Variants in CSMD3 observed in about 807,000 individuals in gnomAD.
CSMD3 encodes CUB and sushi domain-containing protein 3.
In CSMD3, 177 loss-of-function variants were observed where a neutral mutation model predicts 435.2. The observed-to-expected ratio is 0.41, with a 90% CI of 0.36 to 0.46. The LOEUF is 0.46. CSMD3 is among the 20% of genes least tolerant of loss of function. The pLI, the probability that CSMD3 is intolerant of heterozygous loss-of-function variation, is 0.34. For synonymous variants in CSMD3, 1,656 were observed against 1,520.5 expected, an observed-to-expected ratio of 1.09 and a Z score of -2.07; for missense variants, 4,265 against 4,504.6, an observed-to-expected ratio of 0.95 and a Z score of 1.52.
At chr8:113,326,411 G>A (rs1029032508) in intron 1 of CSMD3, among the ~76,000 whole-genome samples, 5 of 149,152 alleles carry the variant, frequency 3.4e-5, no homozygotes, top group Non-Finnish European at 7.4e-5. Flanking sequence ...TAATAACATA[G>A]TTTTTTTTTT....
At chr8:112,582,054 C>G (rs1037922496) in intron 23 of CSMD3, among the ~76,000 whole-genome samples, 1 of 152,028 alleles carries the variant, frequency 6.6e-6, no homozygotes, top group Admixed American at 6.6e-5. Flanking sequence ...GAATGTGATT[C>G]CACTGTTGGA....
chr8:113,025,355 T>C (rs2086838175), intron 5 of CSMD3, among the ~76,000 whole-genome samples: 1 of 152,180 alleles, frequency 6.6e-6, no homozygotes, highest in Non-Finnish European at 1.5e-5. Flanking sequence ...GTGGTTTATG[T>C]GCAGTTTCTT....
chr8:113,121,604 T>A (rs1441152301), intron 4 of CSMD3, among the ~76,000 whole-genome samples: 13 of 152,098 alleles, frequency 8.5e-5, no homozygotes. Context: ...GGCTGAAAAT[T>A]TCCAAACTGA....
At chr8:113,144,938 A>C (rs1295396928) in intron 4 of CSMD3, among the ~76,000 whole-genome samples, 1 of 151,622 alleles carries the variant, frequency 6.6e-6, no homozygotes, top group African/African-American at 2.4e-5. Flanking sequence ...TGGGAAATGA[A>C]AGTGATGATA....
chr8:113,048,926 A>G (rs2065740515), intron 5 of CSMD3, among the ~76,000 whole-genome samples: 1 of 152,174 alleles, frequency 6.6e-6, no homozygotes, highest in Admixed American at 6.5e-5. Context: ...GTGAGTATAC[A>G]GCATTTTGTG....
At chr8:113,403,546 T>A (rs1674750868) in intron 1 of CSMD3, among the ~76,000 whole-genome samples, 1 of 151,380 alleles carries the variant, frequency 6.6e-6, no homozygotes, top group Non-Finnish European at 1.5e-5. Flanking sequence ...TCTTCCCTTT[T>A]TAGAGTACAT....
At chr8:112,225,933 A>C (rs1812511689) in intron 70 of CSMD3, among the ~76,000 whole-genome samples, 1 of 152,142 alleles carries the variant, frequency 6.6e-6, no homozygotes, top group African/African-American at 2.4e-5. Context: ...TAACTTGCTC[A>C]CATTTGTAAT....
intron 7 of CSMD3, among the ~76,000 whole-genome samples, chr8:112,975,133 G>A (rs572888865): frequency 6.6e-6 from 1 of 151,236 alleles, no homozygotes; most frequent in East Asian, 2.0e-4. Context: ...TAAAAGGTAG[G>A]CTTATATTAA....
intron 18 of CSMD3, among the ~76,000 whole-genome samples, chr8:112,654,931 G>C (rs958791508): frequency 1.3e-5 from 2 of 152,138 alleles, no homozygotes; most frequent in Admixed American, 1.3e-4. Context: ...CTCAGGTTTA[G>C]TAAATACATG....
chr8:113,414,132 T>C (rs1231688366), intron 1 of CSMD3, among the ~76,000 whole-genome samples: 1 of 152,206 alleles, frequency 6.6e-6, no homozygotes, highest in Non-Finnish European at 1.5e-5. Context: ...GGATAAGATC[T>C]AGCTGTGCTT....
chr8:112,820,210 T>TA (rs1448794333), intron 12 of CSMD3, among the ~76,000 whole-genome samples: 1 of 152,022 alleles, frequency 6.6e-6, no homozygotes, highest in Non-Finnish European at 1.5e-5. Context: ...AAACCAATAA[T>TA]AAAAAATATA....
intron 13 of CSMD3, among the ~76,000 whole-genome samples, chr8:112,753,036 C>T (rs1305226855): frequency 6.6e-6 from 1 of 151,968 alleles, no homozygotes; most frequent in Non-Finnish European, 1.5e-5. Flanking sequence ...AATGATCCTC[C>T]TGCCTCAGCC....
At chr8:112,868,500 G>T (rs908277106) in intron 10 of CSMD3, among the ~76,000 whole-genome samples, 1 of 152,114 alleles carries the variant, frequency 6.6e-6, no homozygotes, top group African/African-American at 2.4e-5. Flanking sequence ...AAACACATGA[G>T]TAACATGTTG....
chr8:112,509,783 C>A (rs1040575640), intron 28 of CSMD3, among the ~76,000 whole-genome samples: 9 of 152,046 alleles, frequency 5.9e-5, no homozygotes, highest in African/African-American at 2.2e-4. Flanking sequence ...TCCTTGTTGA[C>A]CATATGTAAA....
intron 15 of CSMD3, among the ~76,000 whole-genome samples, chr8:112,684,051 T>C (rs1165716404): frequency 1.3e-5 from 2 of 151,788 alleles, no homozygotes; most frequent in African/African-American, 4.8e-5. Flanking sequence ...TTGCACATTA[T>C]CAATTAAATT....
chr8:112,605,233 G>T (rs886597921), intron 22 of CSMD3, among the ~76,000 whole-genome samples: 3 of 152,108 alleles, frequency 2.0e-5, no homozygotes, highest in African/African-American at 7.2e-5. Flanking sequence ...ATTTCTCAAA[G>T]AAGTTAAAAT....
At chr8:112,984,044 G>T (rs1249924816) in intron 6 of CSMD3, among the ~76,000 whole-genome samples, 1 of 151,520 alleles carries the variant, frequency 6.6e-6, no homozygotes, top group African/African-American at 2.4e-5. Flanking sequence ...TACCAATTTT[G>T]GCTTAGAAAA....
At chr8:112,556,273 C>T (rs1423249903) in intron 25 of CSMD3, among the ~76,000 whole-genome samples, 14 of 151,692 alleles carry the variant, frequency 9.2e-5, no homozygotes, top group East Asian at 2.0e-4. Context: ...TCTAGCTTCA[C>T]GAAAGCAATA....
chr8:112,899,602 TATATA>T (rs1564081624), intron 10 of CSMD3, among the ~76,000 whole-genome samples: 1,291 of 14,272 alleles, frequency 0.09, 26 homozygotes, highest in African/African-American at 0.35. Context: ...GTCTATTTTA[TATATA>T]TATATATATA....
Sources: allele counts gnomAD v4.1 joint callset (sites outside exome capture counted in the v4.1 genomes callset), GRCh38; gene constraint gnomAD v4.1.1; transcripts MANE v1.5; gene names NCBI Gene and HGNC (gene_info 2026-07-23, HGNC 2026-07-21).